Variants in ITGBL1 observed in about 807,000 individuals in gnomAD.
The protein encoded by ITGBL1 is integrin beta-like protein 1.
A neutral mutation model predicts 68.5 loss-of-function variants in ITGBL1; 51 were observed. The observed-to-expected ratio is 0.74, with a 90% CI of 0.59 to 0.94. ITGBL1 has a LOEUF of 0.94. ITGBL1 is among the 40% of genes least tolerant of loss of function. The pLI, the probability that ITGBL1 is intolerant of heterozygous loss-of-function variation, is 0.00. For synonymous variants in ITGBL1, 209 were observed against 227.3 expected (o/e 0.92, Z 0.72); for missense variants, 649 against 647.4 (o/e 1.00, Z -0.03).
chr13:101,467,774 A>AG (rs1390889903), intron 2 of ITGBL1, among the ~76,000 whole-genome samples: 1 of 152,204 alleles, frequency 6.6e-6, no homozygotes, highest in Admixed American at 6.5e-5. Context: ...TTGTTTGTAC[A>AG]TAGTCACTAG....
intron 7 of ITGBL1, among the ~76,000 whole-genome samples, chr13:101,599,738 A>C (rs372264695): frequency 6.6e-6 from 1 of 151,798 alleles, no homozygotes; most frequent in African/African-American, 2.4e-5. Context: ...TCAAAGATCA[A>C]ATAGTTGTAG....
At chr13:101,551,909 G>A (rs2049927294) in intron 2 of ITGBL1, among the ~76,000 whole-genome samples, 1 of 152,130 alleles carries the variant, frequency 6.6e-6, no homozygotes, top group African/African-American at 2.4e-5. Flanking sequence ...TTCAGAATGT[G>A]GGGTGATATA....
At chr13:101,604,680 C>T (rs2030583083) in intron 7 of ITGBL1, among the ~76,000 whole-genome samples, 1 of 149,714 alleles carries the variant, frequency 6.7e-6, no homozygotes, top group African/African-American at 2.5e-5. Flanking sequence ...GTAAAGAGTT[C>T]GTTTTGCAAT....
intron 7 of ITGBL1, among the ~76,000 whole-genome samples, chr13:101,637,312 G>A (rs1019164667): frequency 6.6e-6 from 1 of 151,358 alleles, no homozygotes; most frequent in Admixed American, 6.6e-5. Context: ...CGGTGCTGGG[G>A]ACAACAAAGT....
intron 9 of ITGBL1, among the ~76,000 whole-genome samples, chr13:101,708,048 CACACACACACACACACACACAT>C (rs2034302496): frequency 1.3e-5 from 2 of 150,858 alleles, no homozygotes; most frequent in African/African-American, 4.9e-5. Flanking sequence ...CACACACACA[CACACACACACACACACACACAT>C]ACACACAAAT....
At chr13:101,503,234 C>T (rs1272716849) in intron 2 of ITGBL1, among the ~76,000 whole-genome samples, 1 of 152,132 alleles carries the variant, frequency 6.6e-6, no homozygotes, top group Non-Finnish European at 1.5e-5. Flanking sequence ...TGGTTGTGCA[C>T]TTAGTGTTGT....
downstream of ITGBL1, chr13:101,716,941 C>G (rs1344914108): frequency 6.6e-6 from 1 of 151,980 alleles, no homozygotes; most frequent in Non-Finnish European, 1.5e-5. Context: ...ATTGGGACTT[C>G]CCTTACATAT....
chr13:101,641,384 G>T (rs984482654), intron 7 of ITGBL1, among the ~76,000 whole-genome samples: 2 of 151,464 alleles, frequency 1.3e-5, no homozygotes, highest in Non-Finnish European at 2.9e-5. Context: ...ATTTCCTCTT[G>T]GTCTATATAG....
chr13:101,566,462 C>G (rs1402710300), intron 2 of ITGBL1, among the ~76,000 whole-genome samples: 1 of 152,030 alleles, frequency 6.6e-6, no homozygotes, highest in African/African-American at 2.4e-5. Context: ...GAATGAATTC[C>G]TAATAAAATA....
chr13:101,653,052 C>T (rs965131258), intron 7 of ITGBL1, among the ~76,000 whole-genome samples: 7 of 151,408 alleles, frequency 4.6e-5, no homozygotes, highest in African/African-American at 9.7e-5. Context: ...GCCGAGATCA[C>T]GCCACCGCAC....
chr13:101,579,560 A>G (rs995501211), intron 5 of ITGBL1, 133 bp downstream of exon 5: 10 of 884,836 alleles, frequency 1.1e-5, no homozygotes, highest in African/African-American at 1.7e-5. Context: ...ATGTAAATCA[A>G]CATTTACTAT....
chr13:101,699,914 C>T (rs367764558), intron 8 of ITGBL1, among the ~76,000 whole-genome samples: 11 of 152,312 alleles, frequency 7.2e-5, no homozygotes, highest in East Asian at 1.9e-4. Context: ...CAGTATGGGA[C>T]ACGCTCCTTT....
At chr13:101,631,849 A>G (rs1161350424) in intron 7 of ITGBL1, among the ~76,000 whole-genome samples, 1 of 152,198 alleles carries the variant, frequency 6.6e-6, no homozygotes, top group African/African-American at 2.4e-5. Context: ...AACATTTTAA[A>G]CAAATGGTAC....
At chr13:101,562,669 A>C (rs1375362780) in intron 2 of ITGBL1, among the ~76,000 whole-genome samples, 4 of 151,940 alleles carry the variant, frequency 2.6e-5, no homozygotes, top group South Asian at 4.1e-4. Context: ...AAAATACATA[A>C]ATTTAAAGAA....
intron 7 of ITGBL1, among the ~76,000 whole-genome samples, chr13:101,686,112 C>T (rs891675079): frequency 1.3e-5 from 2 of 152,080 alleles, no homozygotes; most frequent in African/African-American, 4.8e-5. Context: ...TTAAATTGTA[C>T]TTTGCTGCTA....
At chr13:101,619,523 G>A (rs1260069031) in intron 7 of ITGBL1, among the ~76,000 whole-genome samples, 3 of 152,118 alleles carry the variant, frequency 2.0e-5, no homozygotes, top group African/African-American at 2.4e-5. Flanking sequence ...GCCTCCAGAA[G>A]GAATGTAGTC....
chr13:101,703,418 G>A (rs2034181397), intron 8 of ITGBL1, among the ~76,000 whole-genome samples: 1 of 152,090 alleles, frequency 6.6e-6, no homozygotes, highest in African/African-American at 2.4e-5. Flanking sequence ...GAGAAGAGAA[G>A]GAATACAATT....
At chr13:101,629,958 G>T (rs753888114) in intron 7 of ITGBL1, among the ~76,000 whole-genome samples, 7 of 152,092 alleles carry the variant, frequency 4.6e-5, no homozygotes, top group Non-Finnish European at 7.4e-5. Context: ...GAGTAGCTGG[G>T]ATTACAGGTG....
At chr13:101,632,869 T>G (rs2032031682) in intron 7 of ITGBL1, among the ~76,000 whole-genome samples, 1 of 152,202 alleles carries the variant, frequency 6.6e-6, no homozygotes, top group Non-Finnish European at 1.5e-5. Context: ...AGCCTTCAGT[T>G]TAATTTCACC....
Sources: gnomAD v4.1 joint callset for allele counts (sites outside exome capture counted in the v4.1 genomes callset) on GRCh38, gnomAD v4.1.1 for gene constraint, MANE v1.5 for transcripts, NCBI Gene and HGNC (gene_info 2026-07-23, HGNC 2026-07-21) for gene names.